The following ARHGAP22 variants were observed in gnomAD, a reference collection of about 807,000 sequenced individuals.
ARHGAP22 encodes the protein rho GTPase-activating protein 22.
In ARHGAP22, 48 loss-of-function variants were observed where a neutral mutation model predicts 59.1. That is an observed-to-expected ratio of 0.81 (90% CI 0.64 to 1.03). The LOEUF (loss-of-function observed/expected upper bound fraction) is 1.03. Ranked by LOEUF, ARHGAP22 falls within the 50% of genes least tolerant of loss-of-function variation. ARHGAP22 has a pLI of 0.00. For missense variants in ARHGAP22, 1,015 were observed against 958.7 expected, an observed-to-expected ratio of 1.06 and a Z score of -0.78; for synonymous variants, 445 against 416.4, an observed-to-expected ratio of 1.07 and a Z score of -0.84.
chr10:48,529,101 A>G (rs937517031), intron 3 of ARHGAP22, among the ~76,000 whole-genome samples: 4 of 152,228 alleles, frequency 2.6e-5, no homozygotes, highest in African/African-American at 9.6e-5. Flanking sequence ...GGGAGTCACA[A>G]CATGGCATTT....
At chr10:48,563,911 A>T (rs1057473903) in intron 2 of ARHGAP22, among the ~76,000 whole-genome samples, 3 of 152,256 alleles carry the variant, frequency 2.0e-5, no homozygotes, top group Admixed American at 6.5e-5. Flanking sequence ...AAAATAAAAG[A>T]CAACCCAATA....
intron 5 of ARHGAP22, among the ~76,000 whole-genome samples, chr10:48,456,677 T>C (rs1320167744): frequency 1.3e-5 from 2 of 152,130 alleles, no homozygotes; most frequent in Admixed American, 1.3e-4. Context: ...ATTTCTGCCC[T>C]GGGTGAGTGG....
chr10:48,563,343 A>G (rs2057828955), intron 2 of ARHGAP22, among the ~76,000 whole-genome samples: 3 of 151,880 alleles, frequency 2.0e-5, no homozygotes, highest in South Asian at 4.2e-4. Flanking sequence ...ACAGGCGCCC[A>G]CCACCACGCC....
chr10:48,497,991 T>C (rs1315277607), intron 3 of ARHGAP22, among the ~76,000 whole-genome samples: 3 of 152,124 alleles, frequency 2.0e-5, no homozygotes, highest in African/African-American at 7.2e-5. Context: ...GTGTCCATGG[T>C]TCCTCTAGGG....
At chr10:48,457,912 A>C in intron 5 of ARHGAP22, among the ~76,000 whole-genome samples, 1 of 76,714 alleles carries the variant, frequency 1.3e-5, no homozygotes, top group Non-Finnish European at 2.5e-5. Context: ...TGAGGAGGAG[A>C]CCCTCTGTTG....
At chr10:48,523,248 C>A (rs1481063285) in intron 3 of ARHGAP22, among the ~76,000 whole-genome samples, 1 of 152,230 alleles carries the variant, frequency 6.6e-6, no homozygotes. Context: ...CAGAGCCTAT[C>A]CAGCAGGCCA....
At chr10:48,515,355 A>G (rs2053183396) in intron 3 of ARHGAP22, among the ~76,000 whole-genome samples, 3 of 152,202 alleles carry the variant, frequency 2.0e-5, no homozygotes, top group Admixed American at 2.0e-4. Flanking sequence ...TGAACATTTT[A>G]TAATGATAAA....
At chr10:48,556,479 A>G (rs1013017790) in intron 2 of ARHGAP22, 1 of 152,178 alleles carries the variant, frequency 6.6e-6, no homozygotes, top group Non-Finnish European at 1.5e-5. Context: ...GGTTTTGCTC[A>G]ACTCAGACTT....
chr10:48,499,041 G>T (rs1367289295), intron 3 of ARHGAP22, among the ~76,000 whole-genome samples: 1 of 152,150 alleles, frequency 6.6e-6, no homozygotes, highest in East Asian at 1.9e-4. Context: ...TGGTCGCTTG[G>T]TGGTCATCTT....
chr10:48,491,930 C>T (rs1324340987), intron 3 of ARHGAP22, among the ~76,000 whole-genome samples: 2 of 152,228 alleles, frequency 1.3e-5, no homozygotes, highest in African/African-American at 2.4e-5. Flanking sequence ...CTGCCTGTGG[C>T]TTGTTCAAGG....
intron 3 of ARHGAP22, among the ~76,000 whole-genome samples, chr10:48,528,770 G>T (rs2054561124): frequency 6.6e-6 from 1 of 152,142 alleles, no homozygotes; most frequent in South Asian, 2.1e-4. Context: ...TAGTTCACAT[G>T]AGGGCTGGTT....
chr10:48,588,862 C>T (rs2059586376), intron 1 of ARHGAP22, among the ~76,000 whole-genome samples: 1 of 152,144 alleles, frequency 6.6e-6, no homozygotes, highest in African/African-American at 2.4e-5. Flanking sequence ...GAGGTGCCGA[C>T]CTTTCTGCTA....
chr10:48,544,929 T>C lies in ARHGAP22; in HGVS notation c.322+10534A>G, dbSNP rs1206088283. On this transcript the variant is annotated intron_variant, in intron 3 of 9. Transcript: ENST00000249601. ...TTAGAATAAGTAAATATATATCAAGTACTTCCAGTGAAAATTTAGTGTCTG... is the reference window on the plus strand; with the variant it reads ...TTAGAATAAGTAAATATATATCAAGCACTTCCAGTGAAAATTTAGTGTCTG... Among the ~76,000 whole-genome samples the C allele has an allele frequency of 2.0e-5, 3 of 152,206 alleles. No homozygotes were observed. In the East Asian group the frequency reaches 5.8e-4, roughly 29 times the overall value.
intron 3 of ARHGAP22, among the ~76,000 whole-genome samples, chr10:48,500,073 C>A (rs1777097974): frequency 6.6e-6 from 1 of 152,200 alleles, no homozygotes; most frequent in Non-Finnish European, 1.5e-5. Flanking sequence ...CATGGTGGCT[C>A]ACACCTGTAA....
At chr10:48,600,188 A>G (rs1184368405) in intron 1 of ARHGAP22, among the ~76,000 whole-genome samples, 1 of 152,232 alleles carries the variant, frequency 6.6e-6, no homozygotes, top group Non-Finnish European at 1.5e-5. Flanking sequence ...CACTCAACAG[A>G]GATTCTCTCA....
At chr10:48,538,546 C>T (rs1044747611) in intron 3 of ARHGAP22, among the ~76,000 whole-genome samples, 2 of 152,174 alleles carry the variant, frequency 1.3e-5, no homozygotes, top group African/African-American at 4.8e-5. Flanking sequence ...TGGTGTTTTT[C>T]AGTAATTGTA....
At chr10:48,612,048 C>G (rs2060915813) in intron 1 of ARHGAP22, among the ~76,000 whole-genome samples, 1 of 151,560 alleles carries the variant, frequency 6.6e-6, no homozygotes, top group Non-Finnish European at 1.5e-5. Context: ...GTCTTGAACT[C>G]CTGACCTCAT....
chr10:48,566,638 T>C (rs1046124070), intron 2 of ARHGAP22, among the ~76,000 whole-genome samples: 1 of 152,242 alleles, frequency 6.6e-6, no homozygotes, highest in Non-Finnish European at 1.5e-5. Context: ...GCTCTTGTTA[T>C]GATCCACAGG....
Position 48,466,519 on chromosome 10 carries a change from C to G in ARHGAP22, c.452-6628G>C, listed in dbSNP as rs1300086234. On this transcript the variant is annotated intron_variant, in intron 4 of 9. Coordinates refer to ENST00000249601, the MANE Select transcript of ARHGAP22 (RefSeq NM_021226.4). ...CCCAGCTTCGAGCGCCTCTATGGCC[C>G]GGAGACGCAGCTTCTCTGGCGGGCC... 5.3e-5 allele frequency: 8 copies of G among 150,180 alleles called. No individual in the cohort carries two copies. In the East Asian group the frequency reaches 5.9e-4, roughly 11 times the overall value. The allele number at this position is 150,180 out of a possible 1,614,324, so 9.3% of individuals were successfully genotyped here.
Sources: gnomAD v4.1 joint callset for allele counts (sites outside exome capture counted in the v4.1 genomes callset) on GRCh38, gnomAD v4.1.1 for gene constraint, MANE v1.5 for transcripts, NCBI Gene and HGNC (gene_info 2026-07-23, HGNC 2026-07-21) for gene names.